CTDSPL2: variants seen among roughly 807,000 people sequenced by gnomAD.
The protein encoded by CTDSPL2 is CTD small phosphatase-like protein 2.
A neutral mutation model predicts 60.0 loss-of-function variants in CTDSPL2; 5 were observed. The observed-to-expected ratio is 0.08, with a 90% CI of 0.04 to 0.18. The LOEUF is 0.18. Among genes scored for constraint, CTDSPL2 ranks in the 10% least tolerant of loss-of-function variants. CTDSPL2 has a pLI of 1.00. For synonymous variants in CTDSPL2, 186 were observed against 189.3 expected, an observed-to-expected ratio of 0.98 and a Z score of 0.14; for missense variants, 370 against 548.8, an observed-to-expected ratio of 0.67 and a Z score of 3.26.
rs192751554 is a variant in CTDSPL2, at chr15:44,488,088, T to C, written c.475+1388T>C. ...TCATGCCACTGCACTCCAGCCTGGG[T>C]GACAGAGCAAGACTCCGTCTCAAAA... On this transcript the variant is annotated intron_variant, in intron 4 of 12. Coordinates refer to ENST00000260327, the MANE Select transcript of CTDSPL2 (RefSeq NM_016396.3). 3.6e-3 allele frequency among the ~76,000 whole-genome samples: 514 copies of C among 143,498 alleles called. 5 individuals are homozygous for C. The highest frequency in any genetic ancestry group is 0.012 in the African/African-American group (460 of 38,192). The allele number at this position is 143,498 out of a possible 152,430, so 94.1% of individuals were successfully genotyped here. A position where few individuals can be genotyped will look rare whatever the true frequency, so the allele number is the denominator to read the frequency against.
At chr15:44,521,903 A>T (rs1007961007) in intron 12 of CTDSPL2, among the ~76,000 whole-genome samples, 1 of 118,518 alleles carries the variant, frequency 8.4e-6, no homozygotes, top group Admixed American at 1.3e-4. Flanking sequence ...GCGCCACTGC[A>T]CTCCAGCCTG....
At chr15:44,486,454 G>A (rs1391830980) in intron 3 of CTDSPL2, 97 bp from the exon 4 acceptor site, 1 of 818,052 alleles carries the variant, frequency 1.2e-6, no homozygotes, top group Admixed American at 3.4e-5. Flanking sequence ...GAAGTATTTT[G>A]AGGGAAAAAG....
chr15:44,524,229 C>CA lies in CTDSPL2; in HGVS notation c.*55_*56insA, dbSNP rs1205351259. ...GGAGAGAATGCAGGACCCTTTTGGA[C>CA]TAAGACAAAAACATTGCCATTACTG... On this transcript the variant is annotated 3_prime_UTR_variant, in exon 13 of 13. Transcript: ENST00000260327. The CA allele has an allele frequency of 7.6e-6, 11 of 1,454,432 alleles. No individual in the cohort carries two copies. The highest frequency in any genetic ancestry group is 9.6e-6 in the Non-Finnish European group (10 of 1,038,330). The allele number at this position is 1,454,432 out of a possible 1,614,324, so 90.1% of individuals were successfully genotyped here.
At chr15:44,477,080 T>G (rs1489577774) in intron 2 of CTDSPL2, among the ~76,000 whole-genome samples, 1 of 152,182 alleles carries the variant, frequency 6.6e-6, no homozygotes, top group Non-Finnish European at 1.5e-5. Flanking sequence ...TAAAAACGAA[T>G]TAGTCAAGCG....
At chr15:44,487,902 TC>T (rs1416392908) in intron 4 of CTDSPL2, among the ~76,000 whole-genome samples, 2 of 151,922 alleles carry the variant, frequency 1.3e-5, no homozygotes, top group East Asian at 3.9e-4. Context: ...GATCATGAGG[TC>T]AGGAGTTCAA....
At chr15:44,464,808 G>A (rs1047618167) in intron 2 of CTDSPL2, among the ~76,000 whole-genome samples, 5 of 152,146 alleles carry the variant, frequency 3.3e-5, no homozygotes, top group Admixed American at 2.0e-4. Flanking sequence ...GGATTCAAGC[G>A]ATTTCTCGTG....
At chr15:44,497,294 A>T (rs549345497) in intron 7 of CTDSPL2, among the ~76,000 whole-genome samples, 156 bp downstream of exon 7, 7 of 152,326 alleles carry the variant, frequency 4.6e-5, no homozygotes, top group Non-Finnish European at 1.0e-4. Context: ...ATGCAAGACC[A>T]TAACCCTTTT....
chr15:44,462,700 C>CTTTTTTTTTTTTTTTTTT (rs554319789), intron 2 of CTDSPL2, among the ~76,000 whole-genome samples: 11 of 83,746 alleles, frequency 1.3e-4, no homozygotes, highest in East Asian at 6.5e-4. Flanking sequence ...ACACTCAGGA[C>CTTTTTTTTTTTTTTTTTT]TTTTTTTTTT....
In CTDSPL2 at chr15:44,459,001, G is replaced by C; in HGVS notation, c.-14G>C. 6.7e-7 allele frequency: 1 copy of C among 1,502,786 alleles called. No homozygotes were observed. Among genetic ancestry groups the C allele is most frequent in the African/African-American group, 1.4e-5 (1 of 69,728 alleles). 93.1% of individuals were successfully genotyped at this position (1,502,786 alleles called of 1,614,324 possible). ...ATTTTTCTCTTTTAGTTTTACATGT[G>C]GCACCCATAAAAGATGAGGCTGAGA... On this transcript the variant is annotated 5_prime_UTR_variant, in exon 2 of 13. Transcript: ENST00000260327.
At chr15:44,448,385 T>G in intron 1 of CTDSPL2, 1 of 225,384 alleles carries the variant, frequency 4.4e-6, no homozygotes, top group Non-Finnish European at 9.0e-6. Context: ...TGCTGCATCT[T>G]GGAACCCACA....
chr15:44,499,465 TCAG>T (rs1440088201), intron 7 of CTDSPL2, among the ~76,000 whole-genome samples: 3 of 152,144 alleles, frequency 2.0e-5, no homozygotes, highest in Non-Finnish European at 2.9e-5. Flanking sequence ...TTTCTGATCA[TCAG>T]AAGTGAGGTT....
chr15:44,512,161 A>T (rs973259495), intron 8 of CTDSPL2, among the ~76,000 whole-genome samples: 1 of 151,910 alleles, frequency 6.6e-6, no homozygotes, highest in African/African-American at 2.4e-5. Context: ...GCACCACTGC[A>T]CTCCAACCTA....
chr15:44,441,166 T>C (rs1354076009), intron 1 of CTDSPL2, among the ~76,000 whole-genome samples: 4 of 152,354 alleles, frequency 2.6e-5, no homozygotes. Context: ...AGATCTCTAA[T>C]GTCTTTGGTA....
intron 8 of CTDSPL2, among the ~76,000 whole-genome samples, chr15:44,506,336 C>G (rs1411355201): frequency 6.6e-6 from 1 of 151,292 alleles, no homozygotes. Context: ...CATGCCCAGC[C>G]CCATTGGTAA....
rs1423893230 is a variant in CTDSPL2, at chr15:44,504,943, C to T, written c.969+5130C>T. The stretch of plus-strand genomic sequence containing the variant: ...CTACTTTAGAATAATTTTAAAGTCA[C>T]TTTCCCATCCTTATTAGTATGTTTA... On this transcript the variant is annotated intron_variant, in intron 8 of 12. Coordinates refer to ENST00000260327, the MANE Select transcript of CTDSPL2 (RefSeq NM_016396.3). Among the ~76,000 whole-genome samples the T allele has an allele frequency of 3.9e-5, 6 of 152,124 alleles. 1 individual carries two copies. Among genetic ancestry groups the T allele is most frequent in the Non-Finnish European group, 1.5e-5 (1 of 68,034 alleles).
chr15:44,439,339 G>T lies in CTDSPL2; in HGVS notation c.-25+11567G>T, dbSNP rs138858558. 1.7e-3 allele frequency among the ~76,000 whole-genome samples: 256 copies of T among 151,820 alleles called. 1 individual carries two copies. Among genetic ancestry groups the T allele is most frequent in the African/African-American group, 6.0e-3 (248 of 41,418 alleles). On this transcript the variant is annotated intron_variant, in intron 1 of 12. Transcript: ENST00000260327. ...AATTTTTGTATTTTTAGTAGAGACG[G>T]GGTTTCACCATATTGACCAGGCCGG...
chr15:44,436,956 C>T (rs558319199), intron 1 of CTDSPL2, among the ~76,000 whole-genome samples: 2 of 152,024 alleles, frequency 1.3e-5, no homozygotes, highest in Admixed American at 6.6e-5. Context: ...AATGAGGTAT[C>T]TTGGAAAGGA....
chr15:44,433,960 A>T (rs1266733084), intron 1 of CTDSPL2, among the ~76,000 whole-genome samples: 2 of 151,808 alleles, frequency 1.3e-5, no homozygotes, highest in Non-Finnish European at 2.9e-5. Context: ...TCTCAAAAAA[A>T]AAAAAAATCA....
intron 1 of CTDSPL2, among the ~76,000 whole-genome samples, chr15:44,439,218 G>A (rs145077145): frequency 0.025 from 3,800 of 151,534 alleles, 92 homozygotes; most frequent in South Asian, 0.071. Context: ...GCGTGATCTC[G>A]TCTCACTACA....
Sources: allele counts gnomAD v4.1 joint callset (sites outside exome capture counted in the v4.1 genomes callset), GRCh38; gene constraint gnomAD v4.1.1; transcripts MANE v1.5; gene names NCBI Gene and HGNC (gene_info 2026-07-23, HGNC 2026-07-21).